Variants in CHST8 observed in about 807,000 individuals in gnomAD.
CHST8 encodes the protein GALNAC-4-ST1.
In CHST8, 10 loss-of-function variants were observed where a neutral mutation model predicts 15.0. The ratio of observed to expected loss-of-function variants is 0.67; its 90% CI spans 0.41 to 1.13. The LOEUF (loss-of-function observed/expected upper bound fraction) is 1.13. Among genes scored for constraint, CHST8 ranks in the 50% most tolerant of loss-of-function variants. The probability of loss-of-function intolerance (pLI) is 0.00; values close to 1 mark genes in which losing one functional copy is unlikely to be tolerated. For synonymous variants in CHST8, 259 were observed against 256.6 expected (o/e 1.01, Z -0.09); for missense variants, 634 against 608.2 (o/e 1.04, Z -0.45).
chr19:33,702,060 C>T lies in CHST8; in HGVS notation c.130+12669C>T, dbSNP rs139037599. Among the ~76,000 whole-genome samples, 1,311 of 152,276 alleles carry T rather than the reference C, an allele frequency of 8.6e-3. 19 individuals carry two copies. Among genetic ancestry groups the T allele is most frequent in the African/African-American group, 0.028 (1,177 of 41,554 alleles). On this transcript the variant is annotated intron_variant, in intron 3 of 4. Coordinates refer to ENST00000650847, the MANE Select transcript of CHST8 (RefSeq NM_001127895.2). ...CTGGATCTCAGCTCACTGCAACTTCCGCCTCCCAAGTTCAAGCGATTCTCC... is the reference window on the plus strand; with the variant it reads ...CTGGATCTCAGCTCACTGCAACTTCTGCCTCCCAAGTTCAAGCGATTCTCC...
At chr19:33,708,887 A>C (rs1973495842) in intron 3 of CHST8, among the ~76,000 whole-genome samples, 1 of 152,222 alleles carries the variant, frequency 6.6e-6, no homozygotes, top group Non-Finnish European at 1.5e-5. Flanking sequence ...ACTTGTTTAA[A>C]TCATCTTTAA....
intron 3 of CHST8, among the ~76,000 whole-genome samples, chr19:33,751,192 C>A (rs1053481585): frequency 1.3e-5 from 2 of 152,204 alleles, no homozygotes; most frequent in African/African-American, 4.8e-5. Flanking sequence ...GCCCACCGCA[C>A]CCTCGCTTGG....
At chr19:33,672,643 G>A (rs1273257706) in intron 2 of CHST8, among the ~76,000 whole-genome samples, 1 of 152,232 alleles carries the variant, frequency 6.6e-6, no homozygotes, top group Non-Finnish European at 1.5e-5. Context: ...TGGCCGGGCA[G>A]TCGGGGCCCA....
chr19:33,762,445 C>T (rs1201841895), intron 3 of CHST8, among the ~76,000 whole-genome samples: 2 of 152,240 alleles, frequency 1.3e-5, no homozygotes, highest in African/African-American at 4.8e-5. Flanking sequence ...AACCACCCAG[C>T]TGAATCGTGG....
At chr19:33,675,811 C>A (rs1355987414) in intron 2 of CHST8, among the ~76,000 whole-genome samples, 1 of 152,220 alleles carries the variant, frequency 6.6e-6, no homozygotes, top group Non-Finnish European at 1.5e-5. Flanking sequence ...AGCAGCCTCT[C>A]TTCCCAGAGG....
chr19:33,670,744 G>T (rs1280374363), intron 2 of CHST8, among the ~76,000 whole-genome samples: 7 of 152,342 alleles, frequency 4.6e-5, no homozygotes, highest in Admixed American at 4.6e-4. Context: ...GCCAACTGCA[G>T]GTTGATGGAA....
chr19:33,688,609 T>C (rs1318345143), intron 2 of CHST8, among the ~76,000 whole-genome samples: 1 of 152,136 alleles, frequency 6.6e-6, no homozygotes, highest in Non-Finnish European at 1.5e-5. Context: ...AGGACAGCCC[T>C]GGCTGTCACA....
intron 1 of CHST8, among the ~76,000 whole-genome samples, chr19:33,647,462 T>G (rs1255605583): frequency 2.0e-5 from 3 of 152,108 alleles, no homozygotes; most frequent in Non-Finnish European, 4.4e-5. Flanking sequence ...AGGTCTGATT[T>G]TGGTGAGTAT....
At chr19:33,653,095 G>A (rs1972470109) in intron 1 of CHST8, among the ~76,000 whole-genome samples, 1 of 152,034 alleles carries the variant, frequency 6.6e-6, no homozygotes, top group Non-Finnish European at 1.5e-5. Context: ...TCTCACTCTT[G>A]CTTATTGCAT....
At chr19:33,729,430 C>T (rs182093085) in intron 3 of CHST8, among the ~76,000 whole-genome samples, 9 of 152,322 alleles carry the variant, frequency 5.9e-5, no homozygotes, top group East Asian at 1.9e-4. Flanking sequence ...GAAGTCACAG[C>T]GCGTGTGTAA....
intron 3 of CHST8, among the ~76,000 whole-genome samples, chr19:33,737,859 C>A (rs1974115005): frequency 6.6e-6 from 1 of 152,164 alleles, no homozygotes; most frequent in Admixed American, 6.5e-5. Flanking sequence ...ACGTACCTGG[C>A]CCCCAGGCTG....
chr19:33,648,137 C>G (rs60528158), intron 1 of CHST8, among the ~76,000 whole-genome samples: 3 of 151,670 alleles, frequency 2.0e-5, no homozygotes, highest in Non-Finnish European at 4.4e-5. Context: ...GGGTCAAAGC[C>G]GGGAGGGCAG....
In CHST8 at chr19:33,710,931, A is replaced by G. The variant is rs116427266; in HGVS notation, c.130+21540A>G. On this transcript the variant is annotated intron_variant, in intron 3 of 4. Coordinates refer to ENST00000650847, the MANE Select transcript of CHST8 (RefSeq NM_001127895.2). ...CTCTGTCACCCAGACTGGAGTGCAG[A>G]GGTATGATCATAGCTCACTGCAGCC... 8.5e-3 allele frequency among the ~76,000 whole-genome samples: 1,277 copies of G among 150,060 alleles called. 20 individuals carry two copies. The highest frequency in any genetic ancestry group is 0.029 in the African/African-American group (1,164 of 40,494).
chr19:33,761,609 G>A (rs1465533279), intron 3 of CHST8, among the ~76,000 whole-genome samples: 2 of 151,694 alleles, frequency 1.3e-5, no homozygotes, highest in African/African-American at 2.4e-5. Context: ...GGGATTACAG[G>A]CATGAGCCAG....
chr19:33,698,399 A>AAAAGAAAGAAAG (rs3073654), intron 3 of CHST8, among the ~76,000 whole-genome samples: 1 of 135,818 alleles, frequency 7.4e-6, no homozygotes, highest in African/African-American at 3.6e-5. Flanking sequence ...AAAAAAAAAA[A>AAAAGAAAGAAAG]AAAGAAAGAA....
chr19:33,706,910 G>A lies in CHST8; in HGVS notation c.130+17519G>A, dbSNP rs1048338082. ...CATGATTGTGGGAGGACCACAGGCC[G>A]GGAGGAGGTGTGTTATTCCTGCCAG... On this transcript the variant is annotated intron_variant, in intron 3 of 4. Coordinates refer to ENST00000650847, the MANE Select transcript of CHST8 (RefSeq NM_001127895.2). Among the ~76,000 whole-genome samples the A allele has an allele frequency of 2.6e-5, 4 of 152,076 alleles. No individual in the cohort carries two copies. The East Asian group carries it at 5.8e-4, about 22-fold the overall frequency.
chr19:33,650,256 T>G (rs1972417904), intron 1 of CHST8, among the ~76,000 whole-genome samples: 1 of 151,984 alleles, frequency 6.6e-6, no homozygotes. Context: ...TTTTTAAGAT[T>G]TCTCTGGGTT....
At chr19:33,687,656 T>C (rs906614653) in intron 2 of CHST8, among the ~76,000 whole-genome samples, 3 of 152,106 alleles carry the variant, frequency 2.0e-5, no homozygotes, top group Non-Finnish European at 4.4e-5. Flanking sequence ...AAAATAATTA[T>C]AGAAACTGCA....
chr19:33,767,463 C>A (rs1430964588), intron 3 of CHST8, among the ~76,000 whole-genome samples: 1 of 152,236 alleles, frequency 6.6e-6, no homozygotes, highest in Non-Finnish European at 1.5e-5. Context: ...TCTGCCTCTC[C>A]TCAATCAGGA....
Sources: allele counts gnomAD v4.1 joint callset (sites outside exome capture counted in the v4.1 genomes callset), GRCh38; gene constraint gnomAD v4.1.1; transcripts MANE v1.5; gene names NCBI Gene and HGNC (gene_info 2026-07-23, HGNC 2026-07-21).